The following RBM26 variants were observed in gnomAD, a reference collection of about 807,000 sequenced individuals.
RBM26 encodes the protein RNA binding motif protein 26, also known as RNA-binding protein 26.
RBM26 carries 30 observed loss-of-function variants against 123.6 expected under a neutral mutation model. The ratio of observed to expected loss-of-function variants is 0.24; its 90% confidence interval spans 0.18 to 0.33. The LOEUF (loss-of-function observed/expected upper bound fraction) is 0.33. RBM26 is among the 10% of genes least tolerant of loss of function. The probability of loss-of-function intolerance (pLI) is 1.00; values close to 1 mark genes in which losing one functional copy is unlikely to be tolerated. For missense variants in RBM26, 947 were observed against 1,203.6 expected, an observed-to-expected ratio of 0.79 and a Z score of 3.15; for synonymous variants, 400 against 404.4, an observed-to-expected ratio of 0.99 and a Z score of 0.13.
intron 1 of RBM26, among the ~76,000 whole-genome samples, chr13:79,383,689 T>A (rs1373267507): frequency 1.3e-5 from 2 of 152,028 alleles, no homozygotes; most frequent in African/African-American, 4.8e-5. Context: ...GGAACCAATA[T>A]GCATATTACA....
At chr13:79,347,264 TAAGAC>T (rs1311285818) in intron 14 of RBM26, among the ~76,000 whole-genome samples, 1 of 152,112 alleles carries the variant, frequency 6.6e-6, no homozygotes, top group African/African-American at 2.4e-5. Flanking sequence ...TCAGTGACTG[TAAGAC>T]AAACTATCAT....
rs751690893 is a variant in RBM26, at chr13:79,344,671, GT to G, written c.2181del (p.Lys727AsnfsTer5). 2.6e-6 allele frequency: 4 copies of G among 1,554,754 alleles called. No individual in the cohort carries two copies. Among genetic ancestry groups the G allele is most frequent in the Non-Finnish European group, 2.6e-6 (3 of 1,136,722 alleles). ...TATACTATACCAGTTGTACTTACCTGTTTTTTTTTCTGTGCTTCATTATTAT... is the reference window on the plus strand; with the variant it reads ...TATACTATACCAGTTGTACTTACCTGTTTTTTTTCTGTGCTTCATTATTAT... ...AVDNNEAQKKKQEALKLQQDV... is the reference protein window; with the variant it reads ...AVDNNEAQKKXQEALKLQQDV... On this transcript the variant is annotated frameshift_variant, in exon 15 of 22. Coordinates refer to ENST00000438737, the MANE Select transcript of RBM26 (RefSeq NM_001366735.2). LOFTEE classifies it high-confidence loss of function.
intron 1 of RBM26, among the ~76,000 whole-genome samples, chr13:79,403,395 T>C (rs2079217917): frequency 6.6e-6 from 1 of 152,092 alleles, no homozygotes; most frequent in Non-Finnish European, 1.5e-5. Context: ...ATGGAATATG[T>C]TTCATTAAGA....
chr13:79,366,332 T>G (rs1012732619), intron 7 of RBM26, 137 bp from the exon 8 acceptor site: 25 of 1,019,812 alleles, frequency 2.5e-5, no homozygotes, highest in African/African-American at 4.9e-5. Context: ...GAATTAGATA[T>G]CCAGGGTAAA....
At chr13:79,333,535 A>C (rs1254094936) in intron 20 of RBM26, among the ~76,000 whole-genome samples, 1 of 152,208 alleles carries the variant, frequency 6.6e-6, no homozygotes, top group Non-Finnish European at 1.5e-5. Flanking sequence ...AAAACTTCTG[A>C]AAAGCATCTC....
At chr13:79,391,972 T>A (rs2078039592) in intron 1 of RBM26, among the ~76,000 whole-genome samples, 1 of 144,314 alleles carries the variant, frequency 6.9e-6, no homozygotes, top group Non-Finnish European at 1.5e-5. Flanking sequence ...AATTATTATA[T>A]AATTATATAT....
At chr13:79,394,731 T>C (rs778099512) in intron 1 of RBM26, among the ~76,000 whole-genome samples, 4 of 152,162 alleles carry the variant, frequency 2.6e-5, no homozygotes, top group Non-Finnish European at 5.9e-5. Flanking sequence ...CCTCCTGGGT[T>C]CAAGCGATTC....
chr13:79,316,990 T>A (rs9545064), downstream of RBM26, among the ~76,000 whole-genome samples: 148,964 of 151,028 alleles, frequency 0.99, 73,505 homozygotes, highest in Non-Finnish European at 1. Context: ...GTTTTTTTTT[T>A]AAAAAAGAGT....
At chr13:79,334,971 T>C (rs144957681) in intron 19 of RBM26, among the ~76,000 whole-genome samples, 84 of 152,290 alleles carry the variant, frequency 5.5e-4, no homozygotes, top group African/African-American at 1.9e-3. Flanking sequence ...CACACTCTAC[T>C]GTACTTTATA....
At chr13:79,329,053 G>A (rs144167273) in intron 20 of RBM26, among the ~76,000 whole-genome samples, 89 of 152,018 alleles carry the variant, frequency 5.9e-4, no homozygotes, top group African/African-American at 2.1e-3. Context: ...TTTATGGTGG[G>A]CAATTTTCAT....
At chr13:79,312,309 G>A (rs1014439459) in exon 5 of RBM26, 2 of 151,956 alleles carry the variant, frequency 1.3e-5, no homozygotes, top group African/African-American at 4.8e-5. Context: ...ACCCAAAACA[G>A]GTTTAGCCTT....
downstream of RBM26, among the ~76,000 whole-genome samples, chr13:79,318,028 G>A (rs1281908898): frequency 2.0e-5 from 3 of 151,556 alleles, no homozygotes; most frequent in Non-Finnish European, 3.0e-5. Context: ...TAGTGGGGAA[G>A]ACAGACATAA....
chr13:79,335,578 C>A (rs564964832), intron 19 of RBM26, among the ~76,000 whole-genome samples: 1 of 152,152 alleles, frequency 6.6e-6, no homozygotes, highest in Admixed American at 6.5e-5. Context: ...GTGTTCAAAT[C>A]ATAGGTTGAG....
chr13:79,397,074 A>G (rs2078633399), intron 1 of RBM26, among the ~76,000 whole-genome samples: 1 of 152,160 alleles, frequency 6.6e-6, no homozygotes, highest in South Asian at 2.1e-4. Flanking sequence ...CCACCTACTC[A>G]GGAGGCTGAG....
intron 1 of RBM26, among the ~76,000 whole-genome samples, chr13:79,394,726 T>C (rs928240283): frequency 2.0e-5 from 3 of 152,152 alleles, no homozygotes; most frequent in Non-Finnish European, 2.9e-5. Context: ...CTCCGCCTCC[T>C]GGGTTCAAGC....
At position 79,353,312 on chromosome 13, in the gene RBM26, A is replaced by G. The variant is rs190939208; in HGVS notation, c.1987-88T>C. On this transcript the variant is annotated intron_variant, in intron 13 of 21. Transcript: ENST00000438737. ...TTGAACATTCTGATTCTACTAATAT[A>G]TACAGAGTCTATGAGTATACCAATA... The G allele has an allele frequency of 8.7e-5, 65 of 749,196 alleles. No homozygotes were observed. The East Asian group carries it at 1.7e-3, about 20-fold the overall frequency. The allele number at this position is 749,196 out of a possible 1,614,324, so 46.4% of individuals were successfully genotyped here.
exon 5 of RBM26, chr13:79,312,451 C>G (rs1386633376): frequency 1.3e-5 from 2 of 152,018 alleles, no homozygotes; most frequent in African/African-American, 4.8e-5. Context: ...ATGCAAAAAC[C>G]TACAATGCAA....
At chr13:79,331,286 G>A (rs1382653514) in intron 20 of RBM26, among the ~76,000 whole-genome samples, 3 of 151,784 alleles carry the variant, frequency 2.0e-5, no homozygotes, top group Admixed American at 2.0e-4. Flanking sequence ...TTACAGGTGT[G>A]AGCCACTGCG....
chr13:79,364,468 A>C (rs1355312545), intron 9 of RBM26, among the ~76,000 whole-genome samples: 2 of 152,226 alleles, frequency 1.3e-5, no homozygotes, highest in African/African-American at 4.8e-5. Context: ...AGACAAGAAA[A>C]GACTGGAAAG....
Sources: gnomAD v4.1 joint callset for allele counts (sites outside exome capture counted in the v4.1 genomes callset) on GRCh38, gnomAD v4.1.1 for gene constraint, MANE v1.5 for transcripts, NCBI Gene and HGNC (gene_info 2026-07-23, HGNC 2026-07-21) for gene names.